Variants in TENM4 observed in about 807,000 individuals in gnomAD.
TENM4 encodes the protein teneurin-4.
A neutral mutation model predicts 243.3 loss-of-function variants in TENM4; 82 were observed. The observed-to-expected ratio is 0.34, with a 90% CI of 0.28 to 0.40. The LOEUF (loss-of-function observed/expected upper bound fraction) is 0.40, where lower values mean the gene tolerates loss of function less well. Among genes scored for constraint, TENM4 ranks in the 10% least tolerant of loss-of-function variants. The pLI is 1.00. For missense variants in TENM4, 3,138 were observed against 3,673.3 expected (o/e 0.85, Z 3.77); for synonymous variants, 1,412 against 1,456.3 (o/e 0.97, Z 0.69).
chr11:79,288,839 G>A (rs1276798410), intron 2 of TENM4, among the ~76,000 whole-genome samples: 1 of 152,048 alleles, frequency 6.6e-6, no homozygotes, highest in Non-Finnish European at 1.5e-5. Flanking sequence ...TGGGCTGCTG[G>A]TTGAAATAAG....
intron 2 of TENM4, among the ~76,000 whole-genome samples, chr11:79,277,167 G>A (rs1590845527): frequency 6.6e-6 from 1 of 152,216 alleles, no homozygotes; most frequent in Non-Finnish European, 1.5e-5. Context: ...GCTGTGCCAG[G>A]TGATTTATGG....
chr11:78,994,020 G>A (rs1342023482), intron 6 of TENM4, among the ~76,000 whole-genome samples: 1 of 152,168 alleles, frequency 6.6e-6, no homozygotes, highest in Non-Finnish European at 1.5e-5. Context: ...TAATTTACTT[G>A]CAGATTAGTA....
At chr11:79,356,303 T>A (rs566389372) in intron 1 of TENM4, among the ~76,000 whole-genome samples, 2 of 152,132 alleles carry the variant, frequency 1.3e-5, no homozygotes, top group Non-Finnish European at 2.9e-5. Flanking sequence ...GTGACAACCT[T>A]CTCCTCCCTC....
At chr11:78,790,237 T>A (rs756815664) in intron 15 of TENM4, among the ~76,000 whole-genome samples, 1 of 152,258 alleles carries the variant, frequency 6.6e-6, no homozygotes, top group Non-Finnish European at 1.5e-5. Context: ...CTTTTTGCTA[T>A]GTACAATGAA....
chr11:79,376,123 A>C (rs934160511), intron 1 of TENM4, among the ~76,000 whole-genome samples: 4 of 152,240 alleles, frequency 2.6e-5, no homozygotes, highest in Admixed American at 1.3e-4. Flanking sequence ...GCCTGTCTGC[A>C]CACTACTGGC....
At chr11:79,077,984 G>A (rs1860574894) in intron 4 of TENM4, among the ~76,000 whole-genome samples, 1 of 152,126 alleles carries the variant, frequency 6.6e-6, no homozygotes, top group Admixed American at 6.5e-5. Flanking sequence ...AAAGCTTTTG[G>A]TGTTTGAGGA....
At chr11:78,981,702 A>G (rs1857798313) in intron 6 of TENM4, among the ~76,000 whole-genome samples, 1 of 152,170 alleles carries the variant, frequency 6.6e-6, no homozygotes, top group South Asian at 2.1e-4. Context: ...CTTCTTGCTA[A>G]ATGAGATAAT....
chr11:78,826,076 CTTTTTTTTTTTT>C (rs59565048), intron 12 of TENM4, among the ~76,000 whole-genome samples: 13 of 115,406 alleles, frequency 1.1e-4, no homozygotes, highest in South Asian at 5.6e-4. Flanking sequence ...AATCCCCCTC[CTTTTTTTTTTTT>C]TTTTTTTTTT....
chr11:79,400,099 C>CCACACACACACACACACA (rs71050221), intron 1 of TENM4, among the ~76,000 whole-genome samples: 2 of 140,674 alleles, frequency 1.4e-5, no homozygotes, highest in South Asian at 2.4e-4. Flanking sequence ...TAAACACACA[C>CCACACACACACACACACA]CACACACACA....
intron 13 of TENM4, 126 bp from the exon 14 acceptor site, chr11:78,812,442 A>G: frequency 9.5e-7 from 1 of 1,054,398 alleles, no homozygotes; most frequent in Non-Finnish European, 1.4e-6. Context: ...ACAAACACCC[A>G]TGTGTGCCCA....
intron 1 of TENM4, among the ~76,000 whole-genome samples, chr11:79,411,698 T>C (rs1021017085): frequency 1.3e-5 from 2 of 152,182 alleles, no homozygotes; most frequent in Non-Finnish European, 2.9e-5. Flanking sequence ...TTTGGGGTTT[T>C]TGGTTTTTGG....
intron 28 of TENM4, among the ~76,000 whole-genome samples, chr11:78,690,015 C>A (rs1858780254): frequency 6.6e-6 from 1 of 152,202 alleles, no homozygotes; most frequent in South Asian, 2.1e-4. Context: ...AAGGCTGTGG[C>A]TCTATCAGAG....
At chr11:79,110,147 T>G (rs754869786) in intron 4 of TENM4, among the ~76,000 whole-genome samples, 21 of 152,208 alleles carry the variant, frequency 1.4e-4, no homozygotes, top group South Asian at 8.3e-4. Context: ...CCAGGAAACT[T>G]TGTGCAACTC....
rs58484140 is a variant in TENM4, at chr11:78,913,196, T to C, written c.494-9673A>G. Among the ~76,000 whole-genome samples the C allele has an allele frequency of 5.4e-3, 819 of 152,340 alleles. 4 individuals carry two copies. Among genetic ancestry groups the C allele is most frequent in the African/African-American group, 0.019 (781 of 41,582 alleles). On this transcript the variant is annotated intron_variant, in intron 6 of 33. Coordinates refer to ENST00000278550, the MANE Select transcript of TENM4 (RefSeq NM_001098816.3). ...TGAAAGAAAGGGAAACATGTGATGG[T>C]TCTTCCCTTCCTCCTTCCTTCCCTT...
intron 6 of TENM4, among the ~76,000 whole-genome samples, chr11:78,997,101 T>C (rs1236130815): frequency 6.6e-6 from 1 of 152,196 alleles, no homozygotes; most frequent in Non-Finnish European, 1.5e-5. Flanking sequence ...TCCATCAAAG[T>C]GACCACAGGC....
At chr11:79,035,968 T>G (rs772351044) in intron 6 of TENM4, among the ~76,000 whole-genome samples, 9 of 152,344 alleles carry the variant, frequency 5.9e-5, no homozygotes, top group Non-Finnish European at 1.2e-4. Flanking sequence ...AAAGATGATC[T>G]TAGATCTACT....
chr11:79,271,592 A>T (rs1471077855), intron 2 of TENM4, among the ~76,000 whole-genome samples: 1 of 152,148 alleles, frequency 6.6e-6, no homozygotes, highest in Non-Finnish European at 1.5e-5. Flanking sequence ...AGCCCTCCTG[A>T]GGGCCTTACC....
intron 1 of TENM4, among the ~76,000 whole-genome samples, chr11:79,298,680 T>G (rs2135394480): frequency 6.6e-6 from 1 of 152,202 alleles, no homozygotes; most frequent in Middle Eastern, 3.4e-3. Flanking sequence ...TAATAATATC[T>G]ACAGATATGA....
intron 6 of TENM4, among the ~76,000 whole-genome samples, chr11:78,983,716 G>A (rs1290507758): frequency 6.6e-6 from 1 of 151,776 alleles, no homozygotes; most frequent in African/African-American, 2.4e-5. Context: ...AGAAGACACG[G>A]CAGGGCCTGT....
Sources: allele counts gnomAD v4.1 joint callset (sites outside exome capture counted in the v4.1 genomes callset), GRCh38; gene constraint gnomAD v4.1.1; transcripts MANE v1.5; gene names NCBI Gene and HGNC (gene_info 2026-07-23, HGNC 2026-07-21).